Variants in GOLPH3L observed in about 807,000 individuals in gnomAD.
GOLPH3L encodes golgi phosphoprotein 3 like, also known as Golgi phosphoprotein 3-like.
A neutral mutation model predicts 30.3 loss-of-function variants in GOLPH3L; 22 were observed. The ratio of observed to expected loss-of-function variants is 0.73; its 90% CI spans 0.52 to 1.04. The LOEUF (loss-of-function observed/expected upper bound fraction) is 1.04, where lower values mean the gene tolerates loss of function less well. Ranked by LOEUF, GOLPH3L falls within the 50% of genes least tolerant of loss-of-function variation. The pLI is 0.00. For missense variants in GOLPH3L, 303 were observed against 345.8 expected (o/e 0.88, Z 0.98); for synonymous variants, 120 against 128.2 (o/e 0.94, Z 0.43).
intron 2 of GOLPH3L, among the ~76,000 whole-genome samples, chr1:150,693,330 AC>A (rs1651253445): frequency 6.6e-6 from 1 of 152,248 alleles, no homozygotes; most frequent in Non-Finnish European, 1.5e-5. Context: ...AAGAGCTGTT[AC>A]TACTTGTATG....
intron 1 of GOLPH3L, among the ~76,000 whole-genome samples, chr1:150,696,354 TC>T (rs1339928709): frequency 2.6e-5 from 4 of 152,188 alleles, no homozygotes; most frequent in African/African-American, 9.7e-5. Flanking sequence ...TCATGGCCAC[TC>T]CCTCAGCTGT....
chr1:150,681,804 C>A (rs1650957252), intron 2 of GOLPH3L, among the ~76,000 whole-genome samples: 1 of 152,138 alleles, frequency 6.6e-6, no homozygotes, highest in African/African-American at 2.4e-5. Flanking sequence ...TGGTGGCTCA[C>A]ACCTGTAATC....
chr1:150,689,988 A>AT (rs761036431), intron 2 of GOLPH3L, among the ~76,000 whole-genome samples: 86 of 144,526 alleles, frequency 6.0e-4, no homozygotes, highest in Middle Eastern at 3.6e-3. Flanking sequence ...CCTCAGAAGA[A>AT]TTTTTTTTTT....
intron 2 of GOLPH3L, among the ~76,000 whole-genome samples, chr1:150,664,429 C>T (rs932002453): frequency 6.6e-6 from 1 of 151,894 alleles, no homozygotes; most frequent in Non-Finnish European, 1.5e-5. Flanking sequence ...GCTTTTAATC[C>T]TCCTAGATAT....
chr1:150,693,835 A>ATG (rs1557791402), intron 2 of GOLPH3L, among the ~76,000 whole-genome samples: 1 of 78,564 alleles, frequency 1.3e-5, no homozygotes, highest in African/African-American at 5.7e-5. Flanking sequence ...ATATATATAT[A>ATG]TATATATATA....
chr1:150,683,891 T>C (rs1439093675), intron 2 of GOLPH3L, among the ~76,000 whole-genome samples: 1 of 152,058 alleles, frequency 6.6e-6, no homozygotes, highest in Non-Finnish European at 1.5e-5. Context: ...CTAAAACCTT[T>C]CTAAATCATT....
Position 150,694,705 on chromosome 1 carries a change from C to T in GOLPH3L, c.134G>A (p.Arg45His), listed in dbSNP as rs773371144. Reference protein sequence around the residue: ...NEDSGDSKDIRLTLMEEVLLL... With the variant: ...NEDSGDSKDIHLTLMEEVLLL... ...CAATACTTCTTCCATAAGAGTAAGGCGGATATCCTTAGAGTCTCCAGAATC... is the reference window on the plus strand; with the variant it reads ...CAATACTTCTTCCATAAGAGTAAGGTGGATATCCTTAGAGTCTCCAGAATC... The change falls in exon 2 of 5, where the codon CGC becomes CAC. Residue 45 changes from arginine (R) to histidine (H), a missense_variant. By Grantham distance (29) the Arg-to-His change is conservative (BLOSUM62 0). Coordinates refer to ENST00000271732, the MANE Select transcript of GOLPH3L (RefSeq NM_018178.6). 44 of 1,610,974 alleles carry T rather than the reference C, an allele frequency of 2.7e-5. No homozygotes were observed. The Admixed American group carries it at 4.0e-4, about 15-fold the overall frequency.
At chr1:150,666,501 C>T (rs377121667) in intron 2 of GOLPH3L, among the ~76,000 whole-genome samples, 4 of 151,966 alleles carry the variant, frequency 2.6e-5, no homozygotes, top group African/African-American at 7.3e-5. Context: ...CACCTCACCA[C>T]GCCTGGCTAA....
At chr1:150,692,467 C>A (rs1020242394) in intron 2 of GOLPH3L, among the ~76,000 whole-genome samples, 1 of 152,184 alleles carries the variant, frequency 6.6e-6, no homozygotes, top group African/African-American at 2.4e-5. Flanking sequence ...TTCACTGAAG[C>A]CTCGACCTCC....
chr1:150,650,809 T>G (rs6678013), intron 4 of GOLPH3L, among the ~76,000 whole-genome samples: 58,568 of 151,958 alleles, frequency 0.39, 11,608 homozygotes, highest in South Asian at 0.55. Context: ...AATGTCCAGT[T>G]TTTGACAAAA....
rs587637230 is a variant in GOLPH3L, at chr1:150,673,290, G to A, written c.184-9527C>T. On this transcript the variant is annotated intron_variant, in intron 2 of 4. Coordinates refer to ENST00000271732, the MANE Select transcript of GOLPH3L (RefSeq NM_018178.6). Reference sequence around the variant, plus strand: ...AAAGAAAACGGAAGAAAAGCCAGGCGCGGTGGCTCATGCCTGTAATCCCAG... The same window carrying A: ...AAAGAAAACGGAAGAAAAGCCAGGCACGGTGGCTCATGCCTGTAATCCCAG... Among the ~76,000 whole-genome samples the A allele has an allele frequency of 1.8e-4, 28 of 152,182 alleles. 1 individual carries two copies. Among genetic ancestry groups the A allele is most frequent in the African/African-American group, 4.8e-4 (20 of 41,542 alleles).
chr1:150,689,731 G>A (rs1651166715), intron 2 of GOLPH3L, among the ~76,000 whole-genome samples: 1 of 151,926 alleles, frequency 6.6e-6, no homozygotes, highest in Non-Finnish European at 1.5e-5. Flanking sequence ...TGCAGCCTCT[G>A]CCTCTTGGGT....
At chr1:150,664,814 T>C in intron 2 of GOLPH3L, among the ~76,000 whole-genome samples, 1 of 152,222 alleles carries the variant, frequency 6.6e-6, no homozygotes, top group Non-Finnish European at 1.5e-5. Flanking sequence ...GCCTTGGTTA[T>C]GTTACTTAAA....
chr1:150,671,571 C>G (rs1333317117), intron 2 of GOLPH3L, among the ~76,000 whole-genome samples: 1 of 152,026 alleles, frequency 6.6e-6, no homozygotes, highest in Non-Finnish European at 1.5e-5. Flanking sequence ...CTTTGGGAGG[C>G]CAAGGCGGGC....
intron 2 of GOLPH3L, among the ~76,000 whole-genome samples, chr1:150,665,036 C>T (rs971091082): frequency 6.6e-6 from 1 of 151,934 alleles, no homozygotes; most frequent in Non-Finnish European, 1.5e-5. Context: ...ACAGCAGTAA[C>T]GTTTAATTAC....
intron 2 of GOLPH3L, among the ~76,000 whole-genome samples, chr1:150,667,276 T>C (rs1650529270): frequency 1.3e-5 from 2 of 152,214 alleles, no homozygotes; most frequent in Non-Finnish European, 2.9e-5. Flanking sequence ...CAATAATACA[T>C]TAAAAATTAA....
intron 2 of GOLPH3L, among the ~76,000 whole-genome samples, chr1:150,679,528 A>G (rs1650895975): frequency 6.6e-6 from 1 of 152,192 alleles, no homozygotes; most frequent in Non-Finnish European, 1.5e-5. Context: ...GCTGGGCGCA[A>G]TGGCTCGCAC....
At chr1:150,649,802 T>C (rs1650063158) in intron 4 of GOLPH3L, among the ~76,000 whole-genome samples, 1 of 152,024 alleles carries the variant, frequency 6.6e-6, no homozygotes, top group Admixed American at 6.6e-5. Context: ...TAAGCTACCC[T>C]AACTCAGAGG....
At chr1:150,664,790 C>T (rs1650456219) in intron 2 of GOLPH3L, among the ~76,000 whole-genome samples, 1 of 152,096 alleles carries the variant, frequency 6.6e-6, no homozygotes, top group African/African-American at 2.4e-5. Context: ...AATAGAAACC[C>T]ACTGTCATTA....
Sources: allele counts gnomAD v4.1 joint callset (sites outside exome capture counted in the v4.1 genomes callset), GRCh38; gene constraint gnomAD v4.1.1; transcripts MANE v1.5; gene names NCBI Gene and HGNC (gene_info 2026-07-23, HGNC 2026-07-21).